UNKL: variants seen among roughly 807,000 people sequenced by gnomAD.
UNKL encodes the protein unk like zinc finger.
UNKL carries 60 observed loss-of-function variants against 78.0 expected under a neutral mutation model. The observed-to-expected ratio is 0.77, with a 90% CI of 0.63 to 0.95. The LOEUF (loss-of-function observed/expected upper bound fraction) is 0.95. Ranked by LOEUF, UNKL falls within the 40% of genes least tolerant of loss-of-function variation. The pLI is 0.00. For missense variants in UNKL, 1,159 were observed against 1,045.7 expected, an observed-to-expected ratio of 1.11 and a Z score of -1.49; for synonymous variants, 608 against 474.8, an observed-to-expected ratio of 1.28 and a Z score of -3.65.
chr16:1,402,637 T>G (rs528157309), intron 3 of UNKL, among the ~76,000 whole-genome samples: 1 of 151,004 alleles, frequency 6.6e-6, no homozygotes, highest in East Asian at 1.9e-4. Flanking sequence ...CACTCCAGCC[T>G]GGGTAACAGA....
rs137907159 is a variant in UNKL at position 1,406,776 on chromosome 16, T to G, written c.288-3432A>C. Among the ~76,000 whole-genome samples, 525 of 152,196 alleles carry G rather than the reference T, an allele frequency of 3.4e-3. 6 individuals carry two copies. The highest frequency in any genetic ancestry group is 0.012 in the African/African-American group (501 of 41,532). On this transcript the variant is annotated intron_variant, in intron 2 of 14. Coordinates refer to ENST00000389221, the MANE Select transcript of UNKL (RefSeq NM_001372107.1). Reference sequence around the variant, plus strand: ...CCCTGAAGTGAGTGGAACTTTCACCTACGCCTTAGGTCCTAAGGCATTCAA... The same window carrying G: ...CCCTGAAGTGAGTGGAACTTTCACCGACGCCTTAGGTCCTAAGGCATTCAA...
At chr16:1,368,068 GGCCGGTC>G in intron 12 of UNKL, 1 of 590,226 alleles carries the variant, frequency 1.7e-6, no homozygotes, top group South Asian at 2.1e-5. Context: ...CACCTGCCCC[GGCCGGTC>G]TCCCCACCAG....
At chr16:1,410,710 A>C (rs1648090442) in intron 2 of UNKL, among the ~76,000 whole-genome samples, 3 of 152,208 alleles carry the variant, frequency 2.0e-5, no homozygotes, top group Non-Finnish European at 4.4e-5. Flanking sequence ...CCCTACTTGC[A>C]ACTCAGGATC....
At chr16:1,372,694 G>A (rs112961032) in intron 10 of UNKL, among the ~76,000 whole-genome samples, 1,612 of 152,316 alleles carry the variant, frequency 0.011, 26 homozygotes, top group African/African-American at 0.037. Context: ...GAGAGCCCAC[G>A]TGCCACCTGG....
chr16:1,406,502 C>T (rs1354420974), intron 2 of UNKL, among the ~76,000 whole-genome samples: 2 of 152,054 alleles, frequency 1.3e-5, no homozygotes, highest in African/African-American at 4.8e-5. Flanking sequence ...CGTGAGCCAC[C>T]GCGCCCGGCC....
intron 5 of UNKL, chr16:1,398,245 C>A: frequency 1.0e-6 from 1 of 971,496 alleles, no homozygotes; most frequent in Non-Finnish European, 1.2e-6. Flanking sequence ...CCACCGCACT[C>A]CAGCCTGGGC....
At chr16:1,375,081 C>T (rs767002168) in intron 10 of UNKL, among the ~76,000 whole-genome samples, 12 of 152,186 alleles carry the variant, frequency 7.9e-5, no homozygotes, top group African/African-American at 7.2e-5. Context: ...CACAGGGTGG[C>T]GGGTGGCCCC....
intron 10 of UNKL, among the ~76,000 whole-genome samples, 159 bp from the exon 11 acceptor site, chr16:1,371,770 G>A (rs756623136): frequency 4.6e-5 from 7 of 152,114 alleles, no homozygotes; most frequent in Admixed American, 6.5e-5. Context: ...CCCCCAGCCC[G>A]TCCTCGCAGC....
Position 1,365,662 on chromosome 16 carries a change from ACACT to A in UNKL, c.*574_*577del, listed in dbSNP as rs1222194258. ...AATCCTAGGTCTTACTACTAGATAA[ACACT>A]CATTTCATAAGTACTAGTTTCAGAA... On this transcript the variant is annotated 3_prime_UTR_variant, in exon 15 of 15. Coordinates refer to ENST00000389221, the MANE Select transcript of UNKL (RefSeq NM_001372107.1). 1.3e-5 allele frequency: 2 copies of A among 152,656 alleles called. No individual in the cohort carries two copies. The allele number at this position is 152,656 out of a possible 1,614,324, so 9.5% of individuals were successfully genotyped here.
At chr16:1,391,321 GGTTTT>G (rs995094982) in intron 8 of UNKL, among the ~76,000 whole-genome samples, 9 of 151,930 alleles carry the variant, frequency 5.9e-5, no homozygotes, top group East Asian at 1.9e-4. Context: ...TGCTATTTTT[GGTTTT>G]GTTTTGTTTT....
chr16:1,387,145 C>T lies in UNKL; in HGVS notation c.1087-1760G>A, dbSNP rs930440594. 3.3e-5 allele frequency among the ~76,000 whole-genome samples: 5 copies of T among 152,034 alleles called. No homozygotes were observed. The highest frequency in any genetic ancestry group is 9.6e-5 in the African/African-American group (4 of 41,484). ...GGGGACCCTCCCAGCCATGCAGCAC[C>T]GGGGACCCTCCCAGCCATGCAGCAC... On this transcript the variant is annotated intron_variant, in intron 9 of 14. Coordinates refer to ENST00000389221, the MANE Select transcript of UNKL (RefSeq NM_001372107.1). This position sits in a 1 kb window ranked among gnomAD's most constrained non-coding sequence, Gnocchi z 4.1.
intron 5 of UNKL, chr16:1,398,292 C>A (rs962929252): frequency 2.0e-6 from 2 of 998,526 alleles, no homozygotes; most frequent in Non-Finnish European, 2.4e-6. Flanking sequence ...AAAACAAAAT[C>A]CTCTACTCTT....
chr16:1,414,088 C>T (rs1262297356), intron 1 of UNKL, 33 bp from the exon 2 acceptor site: 7 of 1,520,152 alleles, frequency 4.6e-6, no homozygotes, highest in Non-Finnish European at 6.2e-6. Context: ...GGCTCGCTTC[C>T]GGCAGCACCT....
intron 3 of UNKL, among the ~76,000 whole-genome samples, chr16:1,402,935 T>A (rs1170050270): frequency 2.0e-5 from 3 of 151,926 alleles, no homozygotes; most frequent in Non-Finnish European, 2.9e-5. Context: ...GGGCTTGCAG[T>A]GAGCTGAGAT....
intron 10 of UNKL, among the ~76,000 whole-genome samples, chr16:1,382,772 A>T (rs1351281694): frequency 6.6e-6 from 1 of 151,814 alleles, no homozygotes; most frequent in Non-Finnish European, 1.5e-5. Context: ...AGCCTGGCCA[A>T]CGTGGTGAAA....
In UNKL at chr16:1,363,247, A is replaced by G; in HGVS notation, c.*2993T>C. The G allele has an allele frequency of 1.4e-6, 1 of 700,996 alleles. No homozygotes were observed. Among genetic ancestry groups the G allele is most frequent in the Non-Finnish European group, 2.5e-6 (1 of 396,796 alleles). The allele number at this position is 700,996 out of a possible 1,614,324, so 43.4% of individuals were successfully genotyped here. ...ATTAATTCCCATACTGATAAAAATA[A>G]CTCCATGAATTCTGTAAACCATTGC... On this transcript the variant is annotated 3_prime_UTR_variant, in exon 15 of 15. Coordinates refer to ENST00000389221, the MANE Select transcript of UNKL (RefSeq NM_001372107.1).
intron 10 of UNKL, among the ~76,000 whole-genome samples, chr16:1,375,131 C>T (rs557729976): frequency 5.3e-5 from 8 of 152,316 alleles, no homozygotes; most frequent in African/African-American, 1.9e-4. Flanking sequence ...ACCCCCCGAG[C>T]CCCCCAGGGC....
chr16:1,384,783 G>C (rs2036743960), intron 10 of UNKL, among the ~76,000 whole-genome samples: 1 of 152,126 alleles, frequency 6.6e-6, no homozygotes, highest in Non-Finnish European at 1.5e-5. Flanking sequence ...ATTTTTAGTA[G>C]AGTCGGGGTC....
chr16:1,403,070 C>T lies in UNKL; in HGVS notation c.464+98G>A. 2.2e-6 allele frequency: 3 copies of T among 1,376,210 alleles called. No homozygotes were observed. The highest frequency in any genetic ancestry group is 2.9e-6 in the Non-Finnish European group (3 of 1,030,726). 85.2% of individuals were successfully genotyped at this position (1,376,210 alleles called of 1,614,324 possible). ...GAGAGATTTGGGCCAGCAGAGCCTG[C>T]AGCAGCAGGGAGGCGAGCCACTTGC... On this transcript the variant is annotated intron_variant, in intron 3 of 14. Transcript: ENST00000389221. This position sits in a 1 kb window ranked among gnomAD's most constrained non-coding sequence, Gnocchi z 4.8.
Sources: gnomAD v4.1 joint callset for allele counts (sites outside exome capture counted in the v4.1 genomes callset) on GRCh38, gnomAD v4.1.1 for gene constraint, Gnocchi (gnomAD v3.1) non-coding constraint, MANE v1.5 for transcripts, NCBI Gene and HGNC (gene_info 2026-07-23, HGNC 2026-07-21) for gene names.